SORBS2: variants seen among roughly 807,000 people sequenced by gnomAD.
SORBS2 encodes sorbin and SH3 domain containing 2, also known as sorbin and SH3 domain-containing protein 2.
Under a neutral mutation model 97.7 loss-of-function variants are expected in SORBS2, and 46 were observed. The ratio of observed to expected loss-of-function variants is 0.47; its 90% CI spans 0.37 to 0.60. SORBS2 has a LOEUF of 0.60. Ranked by LOEUF, SORBS2 falls within the 20% of genes least tolerant of loss-of-function variation. SORBS2 has a pLI of 0.00. For synonymous variants in SORBS2, 476 were observed against 473.4 expected, an observed-to-expected ratio of 1.01 and a Z score of -0.07; for missense variants, 1,316 against 1,282.3, an observed-to-expected ratio of 1.03 and a Z score of -0.40.
chr4:185,590,978 C>T (rs1281010121), intron 13 of SORBS2, among the ~76,000 whole-genome samples: 5 of 152,128 alleles, frequency 3.3e-5, no homozygotes, highest in South Asian at 4.1e-4. Context: ...TTTTTTCATG[C>T]CAACTTAAAA....
At chr4:185,615,894 A>G (rs1030809777) in intron 9 of SORBS2, among the ~76,000 whole-genome samples, 1 of 152,210 alleles carries the variant, frequency 6.6e-6, no homozygotes, top group Non-Finnish European at 1.5e-5. Context: ...TTGTAGGTAT[A>G]TTTGATTTGG....
intron 2 of SORBS2, among the ~76,000 whole-genome samples, chr4:185,682,452 G>A (rs367938077): frequency 1.2e-4 from 18 of 152,328 alleles, no homozygotes; most frequent in African/African-American, 4.1e-4. Context: ...AAAAGAGAAA[G>A]ACAGACTGAC....
chr4:185,641,155 G>A (rs994568211), intron 4 of SORBS2, among the ~76,000 whole-genome samples: 1 of 152,082 alleles, frequency 6.6e-6, no homozygotes, highest in Non-Finnish European at 1.5e-5. Flanking sequence ...GGAAAAGGAA[G>A]CAGAATATCT....
chr4:185,868,305 T>C (rs13122603), intron 1 of SORBS2, among the ~76,000 whole-genome samples: 28,986 of 151,076 alleles, frequency 0.19, 3,699 homozygotes, highest in East Asian at 0.54. Flanking sequence ...TACAGGCGTG[T>C]GCCACCATGC....
At chr4:185,605,375 C>T (rs530000535) in intron 12 of SORBS2, among the ~76,000 whole-genome samples, 6 of 152,222 alleles carry the variant, frequency 3.9e-5, no homozygotes, top group African/African-American at 9.6e-5. Context: ...CTCCGCCTCC[C>T]GGTTTGAAGC....
intron 2 of SORBS2, among the ~76,000 whole-genome samples, chr4:185,681,508 C>G (rs2097866339): frequency 6.6e-6 from 1 of 151,872 alleles, no homozygotes; most frequent in Admixed American, 6.6e-5. Context: ...GTGAAAAAAA[C>G]ACAAAGCTAG....
intron 6 of SORBS2, 43 bp downstream of exon 18, chr4:185,626,789 A>G: frequency 6.3e-7 from 1 of 1,598,452 alleles, no homozygotes; most frequent in Non-Finnish European, 8.6e-7. Flanking sequence ...CTAGGCTAAA[A>G]CGTAAACTAG....
chr4:185,854,176 T>C (rs998377543), intron 1 of SORBS2, among the ~76,000 whole-genome samples: 1 of 152,068 alleles, frequency 6.6e-6, no homozygotes, highest in African/African-American at 2.4e-5. Flanking sequence ...GAGTGATGGG[T>C]CAGCAAGGGG....
upstream of SORBS2, among the ~76,000 whole-genome samples, chr4:185,661,345 C>T (rs2097517312): frequency 1.3e-5 from 2 of 151,828 alleles, no homozygotes; most frequent in African/African-American, 4.8e-5. Context: ...CATGTAAGAG[C>T]ATTTCTATCA....
intron 12 of SORBS2, among the ~76,000 whole-genome samples, chr4:185,605,645 C>T (rs1443011653): frequency 6.6e-6 from 1 of 151,662 alleles, no homozygotes; most frequent in African/African-American, 2.4e-5. Flanking sequence ...AGTGCACTGG[C>T]ACGATCTCAG....
Position 185,690,656 on chromosome 4 carries a change from G to GAA in SORBS2, c.-197-11836_-197-11835dup. On this transcript the variant is annotated intron_variant, in intron 2 of 20. Coordinates refer to the SORBS2 transcript ENST00000284776. The stretch of plus-strand genomic sequence containing the variant: ...CATAATTGTTCACTAGCATGTGGAA[G>GAA]AAAATATCATGAAAGTGTGTCGCAT... The GAA allele has an allele frequency of 3.7e-6, 3 of 804,368 alleles. No individual in the cohort carries two copies. In the Admixed American group the frequency reaches 7.8e-5, roughly 21 times the overall value. 49.8% of individuals were successfully genotyped at this position (804,368 alleles called of 1,614,324 possible). A position where few individuals can be genotyped will look rare whatever the true frequency, so the allele number is the denominator to read the frequency against.
intron 1 of SORBS2, among the ~76,000 whole-genome samples, chr4:185,777,497 C>T (rs545516576): frequency 5.7e-4 from 87 of 152,140 alleles, no homozygotes; most frequent in African/African-American, 1.9e-3. Context: ...CCTTGAGAAG[C>T]TATGGCATTA....
chr4:185,747,725 C>T (rs2098771899), intron 2 of SORBS2, among the ~76,000 whole-genome samples: 1 of 152,190 alleles, frequency 6.6e-6, no homozygotes, highest in East Asian at 1.9e-4. Context: ...TTTGCTCGGG[C>T]GCGGTGGCTC....
At chr4:185,815,659 A>G (rs1397713163) in intron 1 of SORBS2, among the ~76,000 whole-genome samples, 1 of 151,966 alleles carries the variant, frequency 6.6e-6, no homozygotes, top group Non-Finnish European at 1.5e-5. Flanking sequence ...ACACACATAT[A>G]TATGGAGAGA....
intron 1 of SORBS2, chr4:185,811,723 G>A (rs2099186365): frequency 1.3e-5 from 2 of 152,326 alleles, no homozygotes; most frequent in Admixed American, 6.5e-5. Context: ...TCAGCGTGCA[G>A]ACATATGCCC....
intron 2 of SORBS2, chr4:185,740,428 T>C (rs1210559611): frequency 6.6e-6 from 1 of 152,394 alleles, no homozygotes. Flanking sequence ...CCAAGTTCTT[T>C]ACAGTGCTCT....
exon 15 of SORBS2, chr4:185,586,273 G>A (rs1235717424): frequency 6.6e-6 from 1 of 152,576 alleles, no homozygotes; most frequent in African/African-American, 2.4e-5. Context: ...GTGTAATTCA[G>A]GCACTGTGAA....
chr4:185,934,736 G>T (rs2099268130), intron 1 of SORBS2, among the ~76,000 whole-genome samples: 1 of 150,200 alleles, frequency 6.7e-6, no homozygotes, highest in African/African-American at 2.5e-5. Context: ...GTGAGCTGAG[G>T]TTGCACCACT....
chr4:185,946,163 C>T (rs886328862), intron 1 of SORBS2, among the ~76,000 whole-genome samples: 4 of 130,592 alleles, frequency 3.1e-5, no homozygotes, highest in Non-Finnish European at 6.1e-5. Flanking sequence ...CTTGTTACCA[C>T]ATCCGTACAG....
Sources: allele counts gnomAD v4.1 joint callset (sites outside exome capture counted in the v4.1 genomes callset), GRCh38; gene constraint gnomAD v4.1.1; transcripts MANE v1.5; gene names NCBI Gene and HGNC (gene_info 2026-07-23, HGNC 2026-07-21).